The following SEM1 variants were observed in gnomAD, a reference collection of about 807,000 sequenced individuals.
The protein encoded by SEM1 is SEM1 26S proteasome subunit.
A neutral mutation model predicts 12.7 loss-of-function variants in SEM1; 3 were observed. The ratio of observed to expected loss-of-function variants is 0.24; its 90% CI spans 0.11 to 0.61. The LOEUF (loss-of-function observed/expected upper bound fraction) is 0.61, where lower values mean the gene tolerates loss of function less well. Ranked by LOEUF, SEM1 falls within the 20% of genes least tolerant of loss-of-function variation. The pLI is 0.88. For missense variants in SEM1, 59 were observed against 81.3 expected (o/e 0.73, Z 1.06); for synonymous variants, 30 against 27.8 (o/e 1.08, Z -0.25).
chr7:96,585,964 G>A (rs901738641), intron 2 of SEM1, among the ~76,000 whole-genome samples: 1 of 152,166 alleles, frequency 6.6e-6, no homozygotes, highest in Admixed American at 6.5e-5. Context: ...GACCGGAGCT[G>A]TTCCTATTAC....
At chr7:96,517,973 G>T (rs191366680) in intron 2 of SEM1, among the ~76,000 whole-genome samples, 1 of 152,118 alleles carries the variant, frequency 6.6e-6, no homozygotes, top group Non-Finnish European at 1.5e-5. Context: ...ACGTAAGAAC[G>T]TTTACTGTAC....
At chr7:96,626,489 C>T (rs1182191633) in intron 2 of SEM1, among the ~76,000 whole-genome samples, 2 of 152,010 alleles carry the variant, frequency 1.3e-5, no homozygotes, top group Non-Finnish European at 2.9e-5. Flanking sequence ...TATGTTCCTT[C>T]TGTATCCAGT....
At chr7:96,558,152 G>C (rs990174777) in intron 2 of SEM1, 2 of 153,350 alleles carry the variant, frequency 1.3e-5, no homozygotes, top group African/African-American at 2.4e-5. Context: ...CATCTTCTGC[G>C]TCGCTCACGC....
At chr7:96,671,101 T>C (rs1033955035), downstream of SEM1, among the ~76,000 whole-genome samples, 1 of 152,176 alleles carries the variant, frequency 6.6e-6, no homozygotes, top group African/African-American at 2.4e-5. Context: ...TCAGTGAGAA[T>C]AGCAAGCCCC....
downstream of SEM1, chr7:96,688,749 T>C (rs570578700): frequency 1.8e-6 from 1 of 545,122 alleles, no homozygotes; most frequent in East Asian, 3.4e-5. Flanking sequence ...AGATTAAGAC[T>C]TCTGAACCAA....
At chr7:96,530,025 G>C (rs540976810) in intron 2 of SEM1, among the ~76,000 whole-genome samples, 2 of 152,206 alleles carry the variant, frequency 1.3e-5, no homozygotes, top group East Asian at 3.9e-4. Context: ...GTGGATATCT[G>C]AGGATGGCAC....
intron 2 of SEM1, among the ~76,000 whole-genome samples, chr7:96,508,282 CA>C (rs1381067041): frequency 6.6e-6 from 1 of 151,892 alleles, no homozygotes; most frequent in Non-Finnish European, 1.5e-5. Flanking sequence ...ATGTATTGCT[CA>C]TATGATACAA....
chr7:96,708,344 G>A (rs1460073590), intron 1 of SEM1: 5 of 152,182 alleles, frequency 3.3e-5, no homozygotes, highest in Admixed American at 3.3e-4. Flanking sequence ...TCTGTAGCAT[G>A]TACACTAATG....
At chr7:96,541,676 T>G (rs1180127940) in intron 2 of SEM1, among the ~76,000 whole-genome samples, 1 of 151,614 alleles carries the variant, frequency 6.6e-6, no homozygotes, top group Non-Finnish European at 1.5e-5. Context: ...CCAAGGCCCA[T>G]GTCCGGAATG....
rs1202343232 is a variant in SEM1 at position 96,688,770 on chromosome 7, T to C, written c.*154A>G. On this transcript the variant is annotated 3_prime_UTR_variant, in exon 3 of 3. Coordinates refer to ENST00000248566, the MANE Select transcript of SEM1 (RefSeq NM_006304.2). ...AGACTTCTGAACCAAACCAAGATTA[T>C]ATCAAAACATTTATTTTTTGTGTTA... 3 of 599,572 alleles carry C rather than the reference T, an allele frequency of 5.0e-6. No individual in the cohort carries two copies. The highest frequency in any genetic ancestry group is 1.9e-5 in the African/African-American group (1 of 51,334). The allele number at this position is 599,572 out of a possible 1,614,324, so 37.1% of individuals were successfully genotyped here. A position where few individuals can be genotyped will look rare whatever the true frequency, so the allele number is the denominator to read the frequency against.
intron 2 of SEM1, among the ~76,000 whole-genome samples, chr7:96,566,319 T>G (rs1216106494): frequency 6.6e-6 from 1 of 151,618 alleles, no homozygotes; most frequent in Non-Finnish European, 1.5e-5. Context: ...AGTATGTCAA[T>G]CTGATAGGTT....
Position 96,564,266 on chromosome 7 carries a change from G to A in SEM1, c.171-57568C>T, listed in dbSNP as rs73708352. Among the ~76,000 whole-genome samples, 1,013 of 151,296 alleles carry A rather than the reference G, an allele frequency of 6.7e-3. 13 individuals are homozygous for A. The highest frequency in any genetic ancestry group is 0.023 in the African/African-American group (952 of 41,234). On this transcript the variant is annotated intron_variant and NMD_transcript_variant, in intron 2 of 3. Transcript: ENST00000466986. ...ATCTTAAGGCTGATCTTCATCTTAC[G>A]ATTTTATAAATCAGGGTAGAACAAA...
intron 2 of SEM1, among the ~76,000 whole-genome samples, chr7:96,642,524 TTTTTAAACTCTC>T (rs1808648387): frequency 6.6e-6 from 1 of 152,002 alleles, no homozygotes; most frequent in Non-Finnish European, 1.5e-5. Flanking sequence ...TTTGTTTCTT[TTTTTAAACTCTC>T]CAGGAAAAGT....
At chr7:96,709,542 G>A (rs1291192809) in intron 1 of SEM1, 146 bp downstream of exon 1, 7 of 737,694 alleles carry the variant, frequency 9.5e-6, no homozygotes, top group East Asian at 5.0e-5. Context: ...CGCCACTGAG[G>A]GGTGAGCGTT....
chr7:96,669,650 T>C (rs1161173618), downstream of SEM1, among the ~76,000 whole-genome samples: 1 of 152,190 alleles, frequency 6.6e-6, no homozygotes, highest in African/African-American at 2.4e-5. Context: ...CTCTTTTATT[T>C]AGGATACATA....
chr7:96,672,046 G>GTCTGA (rs1563106385), downstream of SEM1, among the ~76,000 whole-genome samples: 5 of 152,170 alleles, frequency 3.3e-5, no homozygotes, highest in Non-Finnish European at 5.9e-5. Context: ...TGTCCTCATT[G>GTCTGA]GGTGAAAGTC....
At chr7:96,660,491 ATAACT>A (rs1256853742) in intron 2 of SEM1, among the ~76,000 whole-genome samples, 5 of 152,298 alleles carry the variant, frequency 3.3e-5, no homozygotes, top group Non-Finnish European at 5.9e-5. Flanking sequence ...TCTGAACATA[ATAACT>A]TAATCCAATC....
chr7:96,556,724 C>G (rs1404150993), intron 2 of SEM1, among the ~76,000 whole-genome samples: 1 of 130,888 alleles, frequency 7.6e-6, no homozygotes, highest in Non-Finnish European at 1.7e-5. Context: ...TTTCCTGAAT[C>G]TGAATGTTGG....
intron 1 of SEM1, chr7:96,486,426 G>A (rs1270832016): frequency 2.0e-6 from 3 of 1,535,616 alleles, no homozygotes; most frequent in African/African-American, 2.7e-5. Flanking sequence ...TCCTATAAGG[G>A]AAGTTGAAGG....
Sources: allele counts gnomAD v4.1 joint callset (sites outside exome capture counted in the v4.1 genomes callset), GRCh38; gene constraint gnomAD v4.1.1; transcripts MANE v1.5; gene names NCBI Gene and HGNC (gene_info 2026-07-23, HGNC 2026-07-21).